Variants in RNF150 observed in about 807,000 individuals in gnomAD.
RNF150 encodes ring finger protein 150.
RNF150 carries 24 observed loss-of-function variants against 39.3 expected under a neutral mutation model. The ratio of observed to expected loss-of-function variants is 0.61; its 90% confidence interval spans 0.44 to 0.86. The LOEUF (loss-of-function observed/expected upper bound fraction) is 0.86. Ranked by LOEUF, RNF150 falls within the 40% of genes least tolerant of loss-of-function variation. The pLI, the probability that RNF150 is intolerant of heterozygous loss-of-function variation, is 0.00. For synonymous variants in RNF150, 255 were observed against 227.3 expected (o/e 1.12, Z -1.10); for missense variants, 502 against 587.8 (o/e 0.85, Z 1.51).
chr4:141,044,769 GCGCACACACACA>G (rs1330543057), intron 1 of RNF150, among the ~76,000 whole-genome samples: 1 of 77,458 alleles, frequency 1.3e-5, no homozygotes, highest in Non-Finnish European at 2.9e-5. Flanking sequence ...CGGGTGTGCA[GCGCACACACACA>G]CGCACACACA....
chr4:141,179,573 C>T (rs1031272136), intron 1 of RNF150, among the ~76,000 whole-genome samples: 3 of 152,176 alleles, frequency 2.0e-5, no homozygotes, highest in African/African-American at 7.2e-5. Flanking sequence ...CACCTTCTGT[C>T]ACTCCCACAA....
intron 1 of RNF150, among the ~76,000 whole-genome samples, chr4:141,184,285 T>C (rs1177288982): frequency 6.6e-6 from 1 of 152,238 alleles, no homozygotes; most frequent in Non-Finnish European, 1.5e-5. Context: ...TCCATGTTTG[T>C]TGGCTACATA....
At chr4:140,888,610 A>C (rs918158679) in intron 6 of RNF150, among the ~76,000 whole-genome samples, 11 of 152,232 alleles carry the variant, frequency 7.2e-5, no homozygotes, top group Admixed American at 2.0e-4. Flanking sequence ...CAACAAGGTA[A>C]GGATACATGA....
At chr4:141,178,642 G>A (rs911723182) in intron 1 of RNF150, among the ~76,000 whole-genome samples, 17 of 152,096 alleles carry the variant, frequency 1.1e-4, no homozygotes, top group Admixed American at 2.0e-4. Flanking sequence ...TAGGGTTAGT[G>A]GGGGAGCGGG....
chr4:141,038,931 G>C (rs1311976064), intron 1 of RNF150, among the ~76,000 whole-genome samples: 1 of 152,072 alleles, frequency 6.6e-6, no homozygotes. Flanking sequence ...CAGGCCTTTG[G>C]GGAGAAGGGA....
chr4:140,908,499 C>G (rs180819690), intron 6 of RNF150, among the ~76,000 whole-genome samples: 5 of 152,298 alleles, frequency 3.3e-5, no homozygotes, highest in African/African-American at 7.2e-5. Context: ...TCATATCACT[C>G]TTATTTCTTT....
intron 1 of RNF150, among the ~76,000 whole-genome samples, chr4:141,100,952 G>A (rs917744793): frequency 1.3e-5 from 2 of 152,172 alleles, no homozygotes; most frequent in African/African-American, 4.8e-5. Context: ...TGGTACACCC[G>A]TTTAGGGCAC....
intron 1 of RNF150, among the ~76,000 whole-genome samples, chr4:141,078,028 G>T (rs1379949186): frequency 1.3e-5 from 2 of 152,008 alleles, no homozygotes; most frequent in African/African-American, 2.4e-5. Context: ...GAAAGAAAAA[G>T]AATCATTTTT....
At chr4:141,061,198 C>T (rs1737211203) in intron 1 of RNF150, among the ~76,000 whole-genome samples, 1 of 151,830 alleles carries the variant, frequency 6.6e-6, no homozygotes, top group Non-Finnish European at 1.5e-5. Context: ...TGCTTTGTAT[C>T]ATCTCTGATA....
chr4:140,929,749 G>A (rs1221028896), intron 4 of RNF150, among the ~76,000 whole-genome samples: 2 of 152,086 alleles, frequency 1.3e-5, no homozygotes, highest in African/African-American at 4.8e-5. Flanking sequence ...TGCTATGAAG[G>A]CATTTTGTAG....
chr4:140,930,508 G>A (rs552681922), intron 4 of RNF150, among the ~76,000 whole-genome samples: 1 of 152,284 alleles, frequency 6.6e-6, no homozygotes, highest in East Asian at 1.9e-4. Context: ...CACAGCTGAT[G>A]CTCAAGAAAC....
chr4:140,960,099 T>C (rs561787672), intron 2 of RNF150, among the ~76,000 whole-genome samples: 1 of 152,160 alleles, frequency 6.6e-6, no homozygotes, highest in Admixed American at 6.5e-5. Flanking sequence ...CATCGTCAAA[T>C]CCAAATTCTT....
intron 1 of RNF150, among the ~76,000 whole-genome samples, chr4:140,993,158 T>C (rs778269258): frequency 3.9e-5 from 6 of 152,034 alleles, no homozygotes; most frequent in Non-Finnish European, 8.8e-5. Context: ...ATCAGAAACA[T>C]GAAATAGATT....
At chr4:141,113,043 C>G (rs1044676620) in intron 1 of RNF150, among the ~76,000 whole-genome samples, 1 of 151,902 alleles carries the variant, frequency 6.6e-6, no homozygotes, top group Admixed American at 6.6e-5. Context: ...GTATGTCTCA[C>G]GAAGTTCTCG....
chr4:141,127,844 A>T (rs1365639483), intron 1 of RNF150, among the ~76,000 whole-genome samples: 1 of 152,228 alleles, frequency 6.6e-6, no homozygotes, highest in Non-Finnish European at 1.5e-5. Flanking sequence ...CTCTTTAAAA[A>T]AGAAAAAAAT....
At position 141,097,105 on chromosome 4, in the gene RNF150, T is replaced by C. The variant is rs80148511; in HGVS notation, c.484+35220A>G. Among the ~76,000 whole-genome samples the C allele has an allele frequency of 6.6e-5, 10 of 152,338 alleles. No homozygotes were observed. The East Asian group carries it at 1.9e-3, about 29-fold the overall frequency. ...TTATAAGAGATTAGCATCTGCAATATCAAACTATTATTTACCAAAACAGAC... is the reference window on the plus strand; with the variant it reads ...TTATAAGAGATTAGCATCTGCAATACCAAACTATTATTTACCAAAACAGAC... On this transcript the variant is annotated intron_variant, in intron 1 of 6. Coordinates refer to ENST00000515673, the MANE Select transcript of RNF150 (RefSeq NM_020724.2).
At chr4:141,014,569 T>G (rs1020855034) in intron 1 of RNF150, among the ~76,000 whole-genome samples, 1 of 152,264 alleles carries the variant, frequency 6.6e-6, no homozygotes, top group Non-Finnish European at 1.5e-5. Context: ...GCAGTTTTAA[T>G]TTGCATTTTC....
At chr4:140,995,109 C>A (rs1361540539) in intron 1 of RNF150, among the ~76,000 whole-genome samples, 3 of 152,014 alleles carry the variant, frequency 2.0e-5, no homozygotes, top group African/African-American at 7.3e-5. Context: ...TTTTTGTACC[C>A]ATTAACCATC....
intron 1 of RNF150, among the ~76,000 whole-genome samples, chr4:141,146,742 T>C (rs1162884957): frequency 6.6e-6 from 1 of 152,190 alleles, no homozygotes; most frequent in Non-Finnish European, 1.5e-5. Flanking sequence ...CAAATGACCT[T>C]GCTGGACCCA....
Sources: gnomAD v4.1 joint callset for allele counts (sites outside exome capture counted in the v4.1 genomes callset) on GRCh38, gnomAD v4.1.1 for gene constraint, MANE v1.5 for transcripts, NCBI Gene and HGNC (gene_info 2026-07-23, HGNC 2026-07-21) for gene names.